PIWIL1: variants seen among roughly 807,000 people sequenced by gnomAD.
PIWIL1 encodes piwi-like protein 1.
PIWIL1 carries 73 observed loss-of-function variants against 114.4 expected under a neutral mutation model. The observed-to-expected ratio is 0.64, with a 90% CI of 0.53 to 0.78. The LOEUF (loss-of-function observed/expected upper bound fraction) is 0.78. Among genes scored for constraint, PIWIL1 ranks in the 30% least tolerant of loss-of-function variants. The probability of loss-of-function intolerance (pLI) is 0.00; values close to 1 mark genes in which losing one functional copy is unlikely to be tolerated. For synonymous variants in PIWIL1, 375 were observed against 369.0 expected (o/e 1.02, Z -0.19); for missense variants, 723 against 1,063.1 (o/e 0.68, Z 4.45).
chr12:130,402,636 A>C, the PIWIL1 span, among the ~76,000 whole-genome samples: 1 of 151,914 alleles, frequency 6.6e-6, no homozygotes, highest in African/African-American at 2.4e-5. Flanking sequence ...CTCATTTCCC[A>C]CCATTTCTCT....
At chr12:130,397,434 A>G in the PIWIL1 span, 1 of 398,902 alleles carries the variant, frequency 2.5e-6, no homozygotes, top group East Asian at 3.6e-5. Flanking sequence ...TTTCGAGGAC[A>G]TTTCCCTGCC....
At chr12:130,403,402 A>C in the PIWIL1 span, among the ~76,000 whole-genome samples, 1 of 152,328 alleles carries the variant, frequency 6.6e-6, no homozygotes, top group South Asian at 2.1e-4. Context: ...AGAAGATAAA[A>C]CATAACTGGG....
At chr12:130,365,696 G>A (rs905883164) in intron 18 of PIWIL1, among the ~76,000 whole-genome samples, 4 of 152,168 alleles carry the variant, frequency 2.6e-5, no homozygotes, top group East Asian at 1.9e-4. Context: ...ATTGTTTCTC[G>A]TGATGTTATA....
the PIWIL1 span, among the ~76,000 whole-genome samples, chr12:130,393,487 T>C: frequency 8.6e-6 from 1 of 116,202 alleles, no homozygotes; most frequent in Non-Finnish European, 1.9e-5. Flanking sequence ...ACCTGGTGAA[T>C]ACTGAATGTG....
intron 14 of PIWIL1, among the ~76,000 whole-genome samples, chr12:130,360,865 T>A (rs1019907007): frequency 3.3e-4 from 51 of 152,354 alleles, no homozygotes; most frequent in African/African-American, 1.1e-3. Context: ...TGTCTACCTG[T>A]CACTTGTCAC....
the PIWIL1 span, among the ~76,000 whole-genome samples, chr12:130,403,513 A>AGAT: frequency 2.0e-5 from 3 of 152,202 alleles, no homozygotes; most frequent in African/African-American, 7.2e-5. Flanking sequence ...ATTCCTCTGA[A>AGAT]GATATGTAGA....
At chr12:130,412,596 G>T in the PIWIL1 span, 2 of 1,607,850 alleles carry the variant, frequency 1.2e-6, no homozygotes, top group Non-Finnish European at 1.7e-6. Flanking sequence ...CACAGGGAAG[G>T]TCGAATAGGG....
the PIWIL1 span, among the ~76,000 whole-genome samples, chr12:130,404,960 A>T: frequency 6.6e-6 from 1 of 152,144 alleles, no homozygotes; most frequent in African/African-American, 2.4e-5. Context: ...TGATTTTTTT[A>T]AAGTAGGGAA....
At position 130,367,003 on chromosome 12, in the gene PIWIL1, C is replaced by A. The variant is rs11837056; in HGVS notation, c.2196-130C>A. On this transcript the variant is annotated intron_variant, in intron 18 of 20. Coordinates refer to ENST00000245255, the MANE Select transcript of PIWIL1 (RefSeq NM_004764.5). ...AGAGTAAGATCCTGATCCTTCTCCA[C>A]AACCTGGACAGATGATACGCCCCAG... 0.018 allele frequency: 19,779 copies of A among 1,074,122 alleles called. 2,413 individuals carry two copies. The African/African-American group carries it at 0.27, about 15-fold the overall frequency. The allele number at this position is 1,074,122 out of a possible 1,614,324, so 66.5% of individuals were successfully genotyped here.
the PIWIL1 span, among the ~76,000 whole-genome samples, chr12:130,401,313 G>A: frequency 1.3e-5 from 2 of 151,998 alleles, no homozygotes; most frequent in Non-Finnish European, 2.9e-5. Context: ...ACAGGGTTTC[G>A]CCGTGTTGGC....
chr12:130,376,646 C>T (rs373192375), downstream of PIWIL1, among the ~76,000 whole-genome samples: 1 of 152,266 alleles, frequency 6.6e-6, no homozygotes, highest in Non-Finnish European at 1.5e-5. Flanking sequence ...TCATCTCTTA[C>T]ATCACACCTC....
At chr12:130,377,162 C>T (rs2073873323), downstream of PIWIL1, among the ~76,000 whole-genome samples, 1 of 152,214 alleles carries the variant, frequency 6.6e-6, no homozygotes, top group South Asian at 2.1e-4. Context: ...ATGCTGAGCC[C>T]ATGAGGGCCA....
At chr12:130,424,412 G>A in the PIWIL1 span, 5 of 1,232,634 alleles carry the variant, frequency 4.1e-6, no homozygotes, top group Non-Finnish European at 1.0e-6. The surrounding 1 kb of genome is among the most constrained non-coding windows in gnomAD (Gnocchi z 9.8). Context: ...GCGGCCTCGG[G>A]CCCCTCCTGC....
chr12:130,363,805 A>G (rs569881111), intron 18 of PIWIL1, among the ~76,000 whole-genome samples: 32 of 151,738 alleles, frequency 2.1e-4, no homozygotes, highest in Non-Finnish European at 4.0e-4. Context: ...TTTAGTAGAG[A>G]CGGGGTTTCA....
At chr12:130,355,088 G>C (rs1392460598) in intron 11 of PIWIL1, 83 bp downstream of exon 11, 1 of 845,764 alleles carries the variant, frequency 1.2e-6, no homozygotes, top group Non-Finnish European at 2.0e-6. Context: ...TTTTGAGGGA[G>C]TGGCAGAAAG....
chr12:130,395,469 A>G, the PIWIL1 span, among the ~76,000 whole-genome samples: 1 of 152,190 alleles, frequency 6.6e-6, no homozygotes, highest in African/African-American at 2.4e-5. Context: ...AGAAAAGCTA[A>G]GACCAGCTCA....
At chr12:130,371,123 GAATCACCCT>G (rs141303392) in intron 19 of PIWIL1, 44 bp from the exon 20 acceptor site, 116,254 of 1,498,244 alleles carry the variant, frequency 0.078, 5,626 homozygotes, top group South Asian at 0.2. Context: ...TAAGAAACTG[GAATCACCCT>G]AATTTTAGTT....
the PIWIL1 span, chr12:130,407,799 G>A: frequency 5.6e-5 from 90 of 1,613,768 alleles, no homozygotes; most frequent in Middle Eastern, 1.6e-4. Context: ...CGTCGATACC[G>A]AATGACGCCT....
In PIWIL1 at chr12:130,342,642, G is replaced by A; in HGVS notation, c.51G>A (p.Glu17=). ...ARARGRARGQ[E]TAQLVGSTAS... ...CCAGAGGAAGGGCCCGCGGTCAGGA[G>A]ACAGCGCAGCTGGTGGGCTCCACTG... The change falls in exon 2 of 21, where the codon GAG becomes GAA. Residue 17 remains glutamate, a synonymous_variant. Coordinates refer to ENST00000245255, the MANE Select transcript of PIWIL1 (RefSeq NM_004764.5). 1.2e-6 allele frequency: 2 copies of A among 1,613,958 alleles called. No homozygotes were observed. Among genetic ancestry groups the A allele is most frequent in the Non-Finnish European group, 1.7e-6 (2 of 1,179,878 alleles).
Sources: gnomAD v4.1 joint callset for allele counts (sites outside exome capture counted in the v4.1 genomes callset) on GRCh38, gnomAD v4.1.1 for gene constraint, Gnocchi (gnomAD v3.1) non-coding constraint, MANE v1.5 for transcripts, NCBI Gene and HGNC (gene_info 2026-07-23, HGNC 2026-07-21) for gene names.